The following CASD1 variants were observed in gnomAD, a reference collection of about 807,000 sequenced individuals.
The protein encoded by CASD1 is N-acetylneuraminate (7)9-O-acetyltransferase.
CASD1 carries 41 observed loss-of-function variants against 100.0 expected under a neutral mutation model. That is an observed-to-expected ratio of 0.41 (90% CI 0.32 to 0.53). The LOEUF is 0.53. Among genes scored for constraint, CASD1 ranks in the 20% least tolerant of loss-of-function variants. The pLI is 0.25. For synonymous variants in CASD1, 321 were observed against 315.6 expected (o/e 1.02, Z -0.18); for missense variants, 774 against 948.7 (o/e 0.82, Z 2.42).
At chr7:94,571,840 G>A in the CASD1 span, among the ~76,000 whole-genome samples, 42,314 of 151,002 alleles carry the variant, frequency 0.28, 8,762 homozygotes, top group African/African-American at 0.59. Context: ...ATGGTCAAGT[G>A]TATGACTGTA....
chr7:94,593,650 C>A, the CASD1 span, among the ~76,000 whole-genome samples: 2 of 151,944 alleles, frequency 1.3e-5, no homozygotes, highest in Non-Finnish European at 2.9e-5. Context: ...TCAACCTCTC[C>A]ACACCATTTT....
intron 2 of CASD1, 116 bp from the exon 3 acceptor site, chr7:94,518,087 G>A: frequency 9.9e-7 from 1 of 1,006,744 alleles, no homozygotes; most frequent in African/African-American, 1.7e-5. Context: ...TGCTTATAAA[G>A]CAATATAATG....
intron 16 of CASD1, chr7:94,553,151 C>G (rs751684885): frequency 5.2e-5 from 25 of 481,924 alleles, no homozygotes; most frequent in Non-Finnish European, 9.4e-5. Context: ...TTTCACCACT[C>G]TGTATATCAC....
At chr7:94,528,824 G>A (rs532309285) in intron 5 of CASD1, among the ~76,000 whole-genome samples, 13 of 152,162 alleles carry the variant, frequency 8.5e-5, no homozygotes, top group African/African-American at 2.9e-4. Flanking sequence ...CATACAGTCT[G>A]TCAGTCCTTT....
the CASD1 span, among the ~76,000 whole-genome samples, chr7:94,581,228 C>T: frequency 6.6e-6 from 1 of 152,204 alleles, no homozygotes; most frequent in African/African-American, 2.4e-5. Context: ...CGTCAAGTCT[C>T]TTCCCAGGAA....
chr7:94,586,829 C>T, the CASD1 span: 1 of 985,182 alleles, frequency 1.0e-6, no homozygotes, highest in Non-Finnish European at 1.2e-6. Flanking sequence ...GTACCAGAGG[C>T]ACAAACACAC....
chr7:94,535,559 TATA>T, intron 8 of CASD1, 36 bp downstream of exon 8: 1 of 1,422,526 alleles, frequency 7.0e-7, no homozygotes, highest in South Asian at 1.2e-5. Flanking sequence ...AGATGGAGAC[TATA>T]ATATCAATTG....
chr7:94,556,039 T>A lies in CASD1; in HGVS notation c.*281T>A, dbSNP rs917547123. On this transcript the variant is annotated 3_prime_UTR_variant, in exon 18 of 18. Transcript: ENST00000297273. ...CTGAATCTATATTTCCATTTGTAAG[T>A]GATTTTAAGTTAACATATGAAGGCA... is the stretch of plus-strand genomic sequence containing the variant. The A allele has an allele frequency of 2.7e-5, 7 of 255,986 alleles. No individual in the cohort carries two copies. The highest frequency in any genetic ancestry group is 1.3e-4 in the African/African-American group (6 of 44,864). 15.9% of individuals were successfully genotyped at this position (255,986 alleles called of 1,614,324 possible).
the CASD1 span, among the ~76,000 whole-genome samples, chr7:94,605,921 T>C: frequency 6.6e-6 from 1 of 151,952 alleles, no homozygotes; most frequent in Non-Finnish European, 1.5e-5. Flanking sequence ...CTCTGCCTCC[T>C]GGGTTCAAGC....
At position 94,527,056 on chromosome 7, in the gene CASD1, A is replaced by G. The variant is rs184483929; in HGVS notation, c.352-106A>G. The G allele has an allele frequency of 6.5e-4, 552 of 850,948 alleles. 4 individuals are homozygous for G. In the African/African-American group the frequency reaches 8.5e-3, roughly 13 times the overall value. The allele number at this position is 850,948 out of a possible 1,614,324, so 52.7% of individuals were successfully genotyped here. A position where few individuals can be genotyped will look rare whatever the true frequency, so the allele number is the denominator to read the frequency against. Reference sequence around the variant, plus strand: ...TAATTGAGATTTGGTGCATAAAAATATATCAACAAAAATATGCATAAAAAT... The same window carrying G: ...TAATTGAGATTTGGTGCATAAAAATGTATCAACAAAAATATGCATAAAAAT... On this transcript the variant is annotated intron_variant, in intron 3 of 17. Transcript: ENST00000297273.
chr7:94,523,975 A>C (rs939895183), intron 3 of CASD1, among the ~76,000 whole-genome samples: 7 of 152,172 alleles, frequency 4.6e-5, no homozygotes, highest in African/African-American at 1.4e-4. Flanking sequence ...ATTGTGCTAA[A>C]GCAATTAGCA....
At chr7:94,633,321 T>A in the CASD1 span, among the ~76,000 whole-genome samples, 2 of 152,072 alleles carry the variant, frequency 1.3e-5, no homozygotes, top group African/African-American at 4.8e-5. Context: ...CATAGCTAGA[T>A]TTACAAAGAT....
chr7:94,514,362 A>G (rs1793870181), intron 1 of CASD1, among the ~76,000 whole-genome samples: 1 of 152,190 alleles, frequency 6.6e-6, no homozygotes, highest in South Asian at 2.1e-4. Context: ...AGGCTAAAGT[A>G]TAACTTGCTG....
At chr7:94,543,303 A>G (rs923582183) in intron 10 of CASD1, among the ~76,000 whole-genome samples, 2 of 152,164 alleles carry the variant, frequency 1.3e-5, no homozygotes, top group East Asian at 3.9e-4. Context: ...TATAAAATCT[A>G]TTTAATGTGT....
chr7:94,549,471 G>T, intron 13 of CASD1, 62 bp from the exon 14 acceptor site: 1 of 1,152,048 alleles, frequency 8.7e-7, no homozygotes, highest in Non-Finnish European at 1.3e-6. Context: ...ATCTGTAATA[G>T]AATTGCAAAG....
At chr7:94,629,490 T>C in the CASD1 span, 1 of 440,752 alleles carries the variant, frequency 2.3e-6, no homozygotes, top group African/African-American at 2.0e-5. Context: ...GACATAAAAC[T>C]CAAGACTGAG....
At chr7:94,520,354 A>G (rs1794199469) in intron 3 of CASD1, among the ~76,000 whole-genome samples, 1 of 152,178 alleles carries the variant, frequency 6.6e-6, no homozygotes, top group African/African-American at 2.4e-5. Flanking sequence ...TATTGAAGAT[A>G]ATTCTTTGTT....
At chr7:94,566,224 G>T in the CASD1 span, among the ~76,000 whole-genome samples, 2 of 152,066 alleles carry the variant, frequency 1.3e-5, no homozygotes, top group Non-Finnish European at 2.9e-5. Flanking sequence ...CAAAACACCA[G>T]AAATAAAACT....
chr7:94,537,921 T>C (rs1795197051), intron 9 of CASD1, 27 bp downstream of exon 9: 2 of 1,256,822 alleles, frequency 1.6e-6, no homozygotes, highest in African/African-American at 1.5e-5. Flanking sequence ...TTTTAACTCA[T>C]GTTACCCTTC....
Sources: allele counts gnomAD v4.1 joint callset (sites outside exome capture counted in the v4.1 genomes callset), GRCh38; gene constraint gnomAD v4.1.1; transcripts MANE v1.5; gene names NCBI Gene and HGNC (gene_info 2026-07-23, HGNC 2026-07-21).